The following FER variants were observed in gnomAD, a reference collection of about 807,000 sequenced individuals.
The protein encoded by FER is FER tyrosine kinase, also known as tyrosine-protein kinase Fer.
In FER, 63 loss-of-function variants were observed where a neutral mutation model predicts 111.0. That is an observed-to-expected ratio of 0.57 (90% CI 0.46 to 0.70). FER has a LOEUF of 0.70. FER is among the 30% of genes least tolerant of loss of function. The pLI, the probability that FER is intolerant of heterozygous loss-of-function variation, is 0.00. For missense variants in FER, 914 were observed against 954.0 expected (o/e 0.96, Z 0.55); for synonymous variants, 327 against 313.9 (o/e 1.04, Z -0.44).
At chr5:108,932,359 T>C (rs1336663915) in intron 10 of FER, among the ~76,000 whole-genome samples, 1 of 152,218 alleles carries the variant, frequency 6.6e-6, no homozygotes, top group Non-Finnish European at 1.5e-5. Context: ...ACTCATCTTT[T>C]TTTATGGCAG....
At chr5:108,977,957 T>A (rs1402174658) in intron 13 of FER, among the ~76,000 whole-genome samples, 2 of 152,162 alleles carry the variant, frequency 1.3e-5, no homozygotes, top group African/African-American at 4.8e-5. Context: ...GCGATCCTCC[T>A]GCCTCAGCCT....
intron 13 of FER, among the ~76,000 whole-genome samples, chr5:109,003,669 A>T (rs923844620): frequency 6.6e-6 from 1 of 151,964 alleles, no homozygotes; most frequent in Non-Finnish European, 1.5e-5. Context: ...AGCATTCAAA[A>T]ATTTAAATTT....
intron 13 of FER, among the ~76,000 whole-genome samples, chr5:108,995,821 A>G (rs560835244): frequency 6.6e-6 from 1 of 152,304 alleles, no homozygotes; most frequent in Non-Finnish European, 1.5e-5. Context: ...TTCTGATTCT[A>G]GATCCTTGAG....
At chr5:108,861,247 T>C (rs779776623) in intron 5 of FER, among the ~76,000 whole-genome samples, 2 of 152,200 alleles carry the variant, frequency 1.3e-5, no homozygotes, top group African/African-American at 2.4e-5. Context: ...AATTCGCAAA[T>C]GGCAAACACT....
intron 13 of FER, among the ~76,000 whole-genome samples, chr5:109,019,822 T>G (rs1320656613): frequency 1.3e-5 from 2 of 151,908 alleles, no homozygotes; most frequent in Non-Finnish European, 2.9e-5. Context: ...TTTCTTTATA[T>G]GTCTGTAGAT....
intron 16 of FER, among the ~76,000 whole-genome samples, chr5:109,054,613 AT>A (rs1223223016): frequency 6.6e-6 from 1 of 151,980 alleles, no homozygotes; most frequent in Non-Finnish European, 1.5e-5. Context: ...TAATTAATCA[AT>A]TTTTTTCTTT....
chr5:109,054,678 C>G (rs916943693), intron 16 of FER, among the ~76,000 whole-genome samples: 1 of 149,084 alleles, frequency 6.7e-6, no homozygotes, highest in Non-Finnish European at 1.5e-5. Context: ...AACCCAAGGT[C>G]CTAAAAGTTG....
intron 3 of FER, among the ~76,000 whole-genome samples, chr5:108,815,067 T>C (rs1218746750): frequency 1.3e-5 from 2 of 152,238 alleles, no homozygotes; most frequent in South Asian, 2.1e-4. Flanking sequence ...CCCTTTTCCC[T>C]AGGAGTCCTG....
At chr5:108,785,432 A>G in intron 2 of FER, 1 of 582,040 alleles carries the variant, frequency 1.7e-6, no homozygotes, top group Admixed American at 1.9e-5. Flanking sequence ...AGTTATTAGT[A>G]CTGGCAGCAA....
chr5:108,996,605 G>A (rs921070916), intron 13 of FER, among the ~76,000 whole-genome samples: 5 of 152,292 alleles, frequency 3.3e-5, no homozygotes, highest in Non-Finnish European at 7.4e-5. Flanking sequence ...CCTCTATTCT[G>A]TTCCGTTGGT....
At chr5:108,778,700 A>G (rs530335189) in intron 2 of FER, among the ~76,000 whole-genome samples, 1 of 152,068 alleles carries the variant, frequency 6.6e-6, no homozygotes, top group Non-Finnish European at 1.5e-5. Flanking sequence ...TTCTTTGTAC[A>G]TTTTGGATAA....
intron 5 of FER, among the ~76,000 whole-genome samples, chr5:108,840,791 A>G (rs1268268923): frequency 6.6e-6 from 1 of 152,180 alleles, no homozygotes; most frequent in Non-Finnish European, 1.5e-5. Flanking sequence ...TGCTCAGTCA[A>G]GTTTGATTTC....
chr5:108,914,927 T>C (rs1016334918), intron 10 of FER, among the ~76,000 whole-genome samples: 1 of 152,218 alleles, frequency 6.6e-6, no homozygotes, highest in African/African-American at 2.4e-5. Flanking sequence ...ATTTCTTTTC[T>C]GTGGTATAGC....
chr5:109,026,106 T>G (rs187613152), intron 13 of FER, among the ~76,000 whole-genome samples: 14 of 152,334 alleles, frequency 9.2e-5, no homozygotes, highest in Non-Finnish European at 1.6e-4. Flanking sequence ...CAGTTAATAC[T>G]ATCCTATAAT....
At chr5:108,952,908 T>TA (rs1428823257) in intron 11 of FER, among the ~76,000 whole-genome samples, 2 of 152,082 alleles carry the variant, frequency 1.3e-5, no homozygotes, top group Non-Finnish European at 2.9e-5. Flanking sequence ...GCTTTCCTGT[T>TA]ACGTTGACCT....
intron 17 of FER, among the ~76,000 whole-genome samples, chr5:109,116,134 G>A (rs1320044627): frequency 3.3e-5 from 5 of 151,912 alleles, no homozygotes; most frequent in Non-Finnish European, 7.4e-5. Context: ...TCTGAGTTAC[G>A]GTCTCTATGC....
chr5:108,929,706 A>C (rs1754294840), intron 10 of FER, among the ~76,000 whole-genome samples: 1 of 152,140 alleles, frequency 6.6e-6, no homozygotes, highest in South Asian at 2.1e-4. Context: ...ACAGAATAAG[A>C]GGGCCTGTTG....
chr5:108,748,855 A>C (rs1360316623), intron 1 of FER: 1 of 152,624 alleles, frequency 6.6e-6, no homozygotes, highest in Non-Finnish European at 1.5e-5. Context: ...TGAGGCCTCG[A>C]GGGTGCCCGG....
intron 9 of FER, among the ~76,000 whole-genome samples, chr5:108,892,132 G>T (rs1748193981): frequency 6.6e-6 from 1 of 152,152 alleles, no homozygotes; most frequent in Admixed American, 6.5e-5. Flanking sequence ...ACATACGTGT[G>T]CATGTGTCTT....
Sources: gnomAD v4.1 joint callset for allele counts (sites outside exome capture counted in the v4.1 genomes callset) on GRCh38, gnomAD v4.1.1 for gene constraint, MANE v1.5 for transcripts, NCBI Gene and HGNC (gene_info 2026-07-23, HGNC 2026-07-21) for gene names.